PRKAG2: variants seen among roughly 807,000 people sequenced by gnomAD.
The protein encoded by PRKAG2 is protein kinase AMP-activated non-catalytic subunit gamma 2.
A neutral mutation model predicts 69.6 loss-of-function variants in PRKAG2; 26 were observed. That is an observed-to-expected ratio of 0.37 (90% CI 0.27 to 0.52). The LOEUF is 0.52. PRKAG2 is among the 20% of genes least tolerant of loss of function. The pLI, the probability that PRKAG2 is intolerant of heterozygous loss-of-function variation, is 0.90. For synonymous variants in PRKAG2, 293 were observed against 285.0 expected, an observed-to-expected ratio of 1.03 and a Z score of -0.28; for missense variants, 557 against 740.0, an observed-to-expected ratio of 0.75 and a Z score of 2.87.
At chr7:151,655,052 G>T (rs1244169682) in intron 4 of PRKAG2, among the ~76,000 whole-genome samples, 1 of 152,168 alleles carries the variant, frequency 6.6e-6, no homozygotes, top group Non-Finnish European at 1.5e-5. Flanking sequence ...TTAACCTGAG[G>T]AGAGGGACTC....
chr7:151,841,755 A>G (rs1394551213), intron 1 of PRKAG2, among the ~76,000 whole-genome samples: 50 of 112,888 alleles, frequency 4.4e-4, no homozygotes, highest in South Asian at 6.4e-4. Context: ...AGTAGGTAGT[A>G]ATGGTAGTGA....
intron 3 of PRKAG2, among the ~76,000 whole-genome samples, chr7:151,688,229 T>C (rs986288878): frequency 4.2e-4 from 64 of 152,238 alleles, no homozygotes; most frequent in African/African-American, 1.5e-3. Context: ...AGAATATTCC[T>C]GGGCAGGAGC....
intron 6 of PRKAG2, among the ~76,000 whole-genome samples, chr7:151,586,517 T>C (rs1300255683): frequency 6.6e-6 from 1 of 152,202 alleles, no homozygotes; most frequent in African/African-American, 2.4e-5. Flanking sequence ...AGGAATCTCC[T>C]TTGTAAGTTC....
At chr7:151,817,909 AT>A (rs1171702599) in intron 1 of PRKAG2, among the ~76,000 whole-genome samples, 5 of 152,080 alleles carry the variant, frequency 3.3e-5, no homozygotes, top group Non-Finnish European at 2.9e-5. Flanking sequence ...ATTTTTGTTT[AT>A]TTTTATCATC....
At chr7:151,866,998 C>T (rs779539000) in intron 1 of PRKAG2, among the ~76,000 whole-genome samples, 66 of 152,150 alleles carry the variant, frequency 4.3e-4, no homozygotes, top group Admixed American at 1.2e-3. Flanking sequence ...GCCTCTGTCA[C>T]GTTACGTTGG....
Position 151,632,199 on chromosome 7 carries a change from G to A in PRKAG2, c.685-61C>T. ...CTGCGACGCTCGTCCCCGGCCGGCG[G>A]GCTCGCGGCCGGCCGAGCGCTGGGG... is the stretch of plus-strand genomic sequence containing the variant. On this transcript the variant is annotated intron_variant, in intron 4 of 15. Transcript: ENST00000287878. The surrounding 1 kb of genome is among the most constrained non-coding windows in gnomAD (Gnocchi z 4.2). 11 of 1,184,016 alleles carry A rather than the reference G, an allele frequency of 9.3e-6. No individual in the cohort carries two copies. The highest frequency in any genetic ancestry group is 1.2e-5 in the Non-Finnish European group (11 of 953,350). The allele number at this position is 1,184,016 out of a possible 1,614,324, so 73.3% of individuals were successfully genotyped here. A position where few individuals can be genotyped will look rare whatever the true frequency, so the allele number is the denominator to read the frequency against.
chr7:151,576,151 G>A, intron 7 of PRKAG2: 2 of 569,100 alleles, frequency 3.5e-6, no homozygotes, highest in South Asian at 2.0e-5. Context: ...ATGTTGCCCA[G>A]GCTGGCCTCG....
At chr7:151,559,800 T>TGACAAA (rs1341545432) in intron 15 of PRKAG2, 13 of 985,130 alleles carry the variant, frequency 1.3e-5, no homozygotes, top group Non-Finnish European at 1.6e-5. Context: ...TGACAAAGGC[T>TGACAAA]GGGTTGTTCA....
intron 13 of PRKAG2, among the ~76,000 whole-genome samples, chr7:151,564,984 C>T (rs1429042005): frequency 2.0e-5 from 3 of 151,930 alleles, no homozygotes; most frequent in East Asian, 1.9e-4. Flanking sequence ...GGGATGCGCC[C>T]GACAAAGGAG....
chr7:151,564,360 G>A (rs970709729), intron 13 of PRKAG2, 136 bp from the exon 14 acceptor site: 20 of 883,426 alleles, frequency 2.3e-5, no homozygotes, highest in East Asian at 1.3e-4. Flanking sequence ...TACATCAGAC[G>A]TTCTTTCTGG....
intron 3 of PRKAG2, among the ~76,000 whole-genome samples, chr7:151,738,422 TAAACTGGCCCCA>T (rs2073619202): frequency 6.6e-6 from 1 of 152,248 alleles, no homozygotes; most frequent in Non-Finnish European, 1.5e-5. Context: ...AATCTGGCCA[TAAACTGGCCCCA>T]AAACTGGCCA....
intron 1 of PRKAG2, among the ~76,000 whole-genome samples, chr7:151,855,250 A>ACCGCCCT (rs1170947805): frequency 3.7e-4 from 38 of 103,726 alleles, no homozygotes; most frequent in Non-Finnish European, 4.7e-4. Flanking sequence ...CTCCACACAC[A>ACCGCCCT]CCACCCTCCA....
At chr7:151,829,088 A>C (rs964697132) in intron 1 of PRKAG2, among the ~76,000 whole-genome samples, 1 of 152,206 alleles carries the variant, frequency 6.6e-6, no homozygotes, top group Admixed American at 6.5e-5. Context: ...GCACACCATC[A>C]AGAAGATGGA....
At position 151,557,507 on chromosome 7, in the gene PRKAG2, G is replaced by A. The variant is rs958363862; in HGVS notation, c.1679-275C>T. 7 of 984,216 alleles carry A rather than the reference G, an allele frequency of 7.1e-6. No individual in the cohort carries two copies. The African/African-American group carries it at 1.0e-4, about 15-fold the overall frequency. The allele number at this position is 984,216 out of a possible 1,614,324, so 61.0% of individuals were successfully genotyped here. ...TTCCACTCTTAAAAAATTTTACTAA[G>A]AAATATGTAGGTATGTTTTAGTGAA... is the stretch of plus-strand genomic sequence containing the variant. On this transcript the variant is annotated intron_variant, in intron 15 of 15. Transcript: ENST00000287878.
intron 1 of PRKAG2, chr7:151,810,153 T>C (rs961738033): frequency 3.9e-5 from 6 of 152,206 alleles, no homozygotes; most frequent in African/African-American, 1.4e-4. Context: ...TGGACCCTAG[T>C]AGACCTTCCA....
At chr7:151,565,620 T>C (rs1806065927) in intron 12 of PRKAG2, 100 bp downstream of exon 12, 1 of 1,498,756 alleles carries the variant, frequency 6.7e-7, no homozygotes, top group Non-Finnish European at 9.3e-7. Flanking sequence ...CATACCCAAG[T>C]TTTCATTTTC....
At chr7:151,670,162 G>A (rs1022372786) in intron 4 of PRKAG2, among the ~76,000 whole-genome samples, 8 of 151,442 alleles carry the variant, frequency 5.3e-5, no homozygotes, top group African/African-American at 9.7e-5. Flanking sequence ...CTGCATGCAT[G>A]CCCACATACA....
At chr7:151,692,392 A>C (rs995958011) in intron 3 of PRKAG2, among the ~76,000 whole-genome samples, 10 of 152,190 alleles carry the variant, frequency 6.6e-5, no homozygotes, top group African/African-American at 2.4e-4. Flanking sequence ...ACATTCTGGA[A>C]AAAGCAAAAT....
intron 6 of PRKAG2, among the ~76,000 whole-genome samples, chr7:151,587,850 C>T (rs1296095367): frequency 6.6e-6 from 1 of 152,156 alleles, no homozygotes; most frequent in African/African-American, 2.4e-5. Context: ...CTGAAGAAAG[C>T]ATGGACTTTA....
Sources: allele counts gnomAD v4.1 joint callset (sites outside exome capture counted in the v4.1 genomes callset), GRCh38; gene constraint gnomAD v4.1.1; non-coding constraint Gnocchi (gnomAD v3.1); transcripts MANE v1.5; gene names NCBI Gene and HGNC (gene_info 2026-07-23, HGNC 2026-07-21).